The following DAB1 variants were observed in gnomAD, a reference collection of about 807,000 sequenced individuals.
DAB1 encodes DAB adaptor protein 1.
A neutral mutation model predicts 64.6 loss-of-function variants in DAB1; 15 were observed. The ratio of observed to expected loss-of-function variants is 0.23; its 90% CI spans 0.16 to 0.36. The LOEUF is 0.36. DAB1 is among the 10% of genes least tolerant of loss of function. The pLI is 1.00. For synonymous variants in DAB1, 235 were observed against 251.9 expected (o/e 0.93, Z 0.64); for missense variants, 596 against 706.7 (o/e 0.84, Z 1.78).
intron 5 of DAB1, among the ~76,000 whole-genome samples, chr1:57,915,039 C>A (rs192458311): frequency 2.7e-5 from 4 of 150,232 alleles, no homozygotes; most frequent in African/African-American, 9.8e-5. Flanking sequence ...CCAAATAAGC[C>A]GAAGCGAGGG....
chr1:58,124,810 T>G (rs115382324), intron 5 of DAB1, among the ~76,000 whole-genome samples: 13 of 152,280 alleles, frequency 8.5e-5, no homozygotes, highest in Non-Finnish European at 1.6e-4. Flanking sequence ...ACATTCCTCA[T>G]AGGAGAGCAT....
intron 5 of DAB1, among the ~76,000 whole-genome samples, chr1:58,045,186 G>A (rs12734963): frequency 0.33 from 50,446 of 152,098 alleles, 10,242 homozygotes; most frequent in Non-Finnish European, 0.45. Flanking sequence ...CAGGCCGGCC[G>A]ACAGCACTGC....
chr1:57,663,358 C>T (rs1443378310), intron 6 of DAB1, among the ~76,000 whole-genome samples: 1 of 152,108 alleles, frequency 6.6e-6, no homozygotes, highest in East Asian at 1.9e-4. Flanking sequence ...TTGGCGGGGA[C>T]ACAAACCCAA....
chr1:57,060,023 G>A (rs1442941763), intron 9 of DAB1, among the ~76,000 whole-genome samples: 2 of 152,086 alleles, frequency 1.3e-5, no homozygotes, highest in Non-Finnish European at 2.9e-5. Flanking sequence ...AATTTCTAGT[G>A]CATTTCCTTA....
At chr1:58,441,136 C>A (rs1645003522) in intron 3 of DAB1, among the ~76,000 whole-genome samples, 1 of 152,160 alleles carries the variant, frequency 6.6e-6, no homozygotes, top group South Asian at 2.1e-4. Flanking sequence ...TTCTGGAAGC[C>A]CAAGCACAGC....
At chr1:57,558,569 G>C (rs1397967314) in intron 7 of DAB1, among the ~76,000 whole-genome samples, 1 of 152,176 alleles carries the variant, frequency 6.6e-6, no homozygotes, top group East Asian at 1.9e-4. Context: ...GAAATCTGGA[G>C]AATAGCCATG....
chr1:58,069,374 T>G (rs1337616469), intron 5 of DAB1, among the ~76,000 whole-genome samples: 4 of 152,206 alleles, frequency 2.6e-5, no homozygotes, highest in African/African-American at 4.8e-5. Flanking sequence ...CAGTACTTAC[T>G]GTCCTGATTT....
At chr1:57,433,935 C>G (rs1349205829) in intron 7 of DAB1, among the ~76,000 whole-genome samples, 2 of 150,492 alleles carry the variant, frequency 1.3e-5, no homozygotes, top group African/African-American at 2.4e-5. Context: ...GCAAAGAAAA[C>G]TGTAATAAGA....
chr1:57,751,362 G>C (rs983254854), intron 6 of DAB1, among the ~76,000 whole-genome samples: 1 of 152,122 alleles, frequency 6.6e-6, no homozygotes, highest in Admixed American at 6.6e-5. Context: ...GAGTTCAAGG[G>C]AGCAAGCAGG....
intron 1 of DAB1, among the ~76,000 whole-genome samples, chr1:58,544,502 C>T (rs549141569): frequency 6.6e-6 from 1 of 152,224 alleles, no homozygotes; most frequent in East Asian, 1.9e-4. Context: ...GTATTTTCAC[C>T]TTATATATTT....
intron 4 of DAB1, among the ~76,000 whole-genome samples, chr1:58,279,282 C>T (rs1015928431): frequency 3.3e-5 from 5 of 152,186 alleles, no homozygotes; most frequent in African/African-American, 1.2e-4. Flanking sequence ...ATAGTTACTT[C>T]TTCCCAAAGA....
intron 1 of DAB1, chr1:58,541,614 CAAAAAAAAAAAAAAAA>C (rs60360589): frequency 3.0e-5 from 2 of 65,622 alleles, no homozygotes; most frequent in South Asian, 1.5e-3. Context: ...GAGAACCTGT[CAAAAAAAAAAAAAAAA>C]AAAAAAAAAA....
intron 7 of DAB1, among the ~76,000 whole-genome samples, chr1:57,543,251 T>C (rs1278275440): frequency 6.6e-6 from 1 of 152,156 alleles, no homozygotes; most frequent in Non-Finnish European, 1.5e-5. Context: ...GCAGATGAAA[T>C]GGTTTAGGCA....
chr1:58,438,127 T>C (rs1416971750), intron 3 of DAB1, among the ~76,000 whole-genome samples: 1 of 152,124 alleles, frequency 6.6e-6, no homozygotes, highest in Non-Finnish European at 1.5e-5. Flanking sequence ...GTCCTTCCAT[T>C]CTGAGTCGCA....
At chr1:57,843,603 A>C (rs1433084683) in intron 1 of DAB1, among the ~76,000 whole-genome samples, 1 of 152,152 alleles carries the variant, frequency 6.6e-6, no homozygotes, top group African/African-American at 2.4e-5. Context: ...AAGCCTTCCC[A>C]GATTCACCAA....
intron 4 of DAB1, among the ~76,000 whole-genome samples, chr1:58,237,470 G>T (rs1347440501): frequency 6.6e-6 from 1 of 152,050 alleles, no homozygotes; most frequent in Non-Finnish European, 1.5e-5. Flanking sequence ...GAAAGTGTTT[G>T]ACCTTCACTA....
At chr1:57,040,979 C>T (rs551442731) in intron 9 of DAB1, among the ~76,000 whole-genome samples, 3 of 152,222 alleles carry the variant, frequency 2.0e-5, no homozygotes, top group Admixed American at 6.5e-5. Flanking sequence ...GTTACCACTG[C>T]GGTCCAGATG....
chr1:57,705,285 T>G (rs1646953826), intron 6 of DAB1, among the ~76,000 whole-genome samples: 1 of 152,166 alleles, frequency 6.6e-6, no homozygotes, highest in South Asian at 2.1e-4. Flanking sequence ...ATTTTTCCAT[T>G]TTTAAAACTG....
chr1:57,281,944 G>T (rs1277841436), intron 2 of DAB1, among the ~76,000 whole-genome samples: 4 of 152,072 alleles, frequency 2.6e-5, no homozygotes, highest in Non-Finnish European at 5.9e-5. Context: ...CACTTTGGGA[G>T]GCTGAGGCAG....
Sources: gnomAD v4.1 joint callset for allele counts (sites outside exome capture counted in the v4.1 genomes callset) on GRCh38, gnomAD v4.1.1 for gene constraint, MANE v1.5 for transcripts, NCBI Gene and HGNC (gene_info 2026-07-23, HGNC 2026-07-21) for gene names.